Variants in MDH2 observed in about 807,000 individuals in gnomAD.
MDH2 encodes malate dehydrogenase, mitochondrial.
In MDH2, 25 loss-of-function variants were observed where a neutral mutation model predicts 33.6. The ratio of observed to expected loss-of-function variants is 0.74; its 90% CI spans 0.54 to 1.04. MDH2 has a LOEUF of 1.04. Among genes scored for constraint, MDH2 ranks in the 50% least tolerant of loss-of-function variants. The probability of loss-of-function intolerance (pLI) is 0.00; values close to 1 mark genes in which losing one functional copy is unlikely to be tolerated. For missense variants in MDH2, 432 were observed against 445.0 expected (o/e 0.97, Z 0.26); for synonymous variants, 193 against 188.7 (o/e 1.02, Z -0.19).
intron 1 of MDH2, chr7:76,048,739 TC>T (rs1797432596): frequency 9.7e-6 from 12 of 1,232,024 alleles, no homozygotes; most frequent in Non-Finnish European, 1.1e-5. Flanking sequence ...ATTCAGCGCT[TC>T]TGACCTGAAG....
At chr7:76,066,205 G>T in intron 8 of MDH2, 74 bp from the exon 9 acceptor site, 1 of 1,556,292 alleles carries the variant, frequency 6.4e-7, no homozygotes, top group Non-Finnish European at 8.7e-7. Flanking sequence ...AGGGCTGATG[G>T]AGCGACAGGT....
chr7:76,053,599 G>T (rs1288859888), intron 1 of MDH2, among the ~76,000 whole-genome samples: 1 of 152,132 alleles, frequency 6.6e-6, no homozygotes, highest in African/African-American at 2.4e-5. Context: ...TTGGGTTTTG[G>T]TTTCTGATAA....
chr7:76,050,733 G>T (rs374926670), intron 1 of MDH2, among the ~76,000 whole-genome samples: 3 of 152,134 alleles, frequency 2.0e-5, no homozygotes, highest in East Asian at 3.8e-4. Context: ...TTGAATTCTG[G>T]GTATTCATTG....
chr7:76,051,195 T>C (rs188865005), intron 1 of MDH2, among the ~76,000 whole-genome samples: 1 of 152,072 alleles, frequency 6.6e-6, no homozygotes, highest in East Asian at 1.9e-4. Flanking sequence ...AGGATCTCAG[T>C]TTTTCATATG....
chr7:76,048,301 G>C (rs1797393299), intron 1 of MDH2, 75 bp downstream of exon 1: 12 of 1,493,034 alleles, frequency 8.0e-6, no homozygotes, highest in African/African-American at 1.4e-5. Context: ...TTCGCGGGCA[G>C]CTCTGACCCT....
chr7:76,049,487 T>A (rs1554585004), intron 1 of MDH2, among the ~76,000 whole-genome samples: 1 of 151,678 alleles, frequency 6.6e-6, no homozygotes, highest in African/African-American at 2.4e-5. Context: ...GCGATGAAGG[T>A]CTTAGGGAAT....
At chr7:76,064,235 G>A (rs927625634) in intron 6 of MDH2, 104 bp from the exon 7 acceptor site, 16 of 735,642 alleles carry the variant, frequency 2.2e-5, no homozygotes, top group Non-Finnish European at 3.5e-5. Flanking sequence ...CCATGCCCTG[G>A]TGATGGGAGG....
At chr7:76,064,591 C>G (rs1185648880) in intron 7 of MDH2, among the ~76,000 whole-genome samples, 153 bp downstream of exon 7, 2 of 152,184 alleles carry the variant, frequency 1.3e-5, no homozygotes, top group African/African-American at 2.4e-5. Context: ...GAGAGGGCAG[C>G]TCGGCCTGCT....
At chr7:76,063,427 T>C (rs1798006267) in intron 5 of MDH2, 88 bp from the exon 6 acceptor site, 3 of 1,324,858 alleles carry the variant, frequency 2.3e-6, no homozygotes, top group Non-Finnish European at 3.2e-6. Flanking sequence ...CTGGGGGGCT[T>C]TTCCAGTGTT....
Position 76,064,864 on chromosome 7 carries a change from A to G in MDH2, c.796A>G (p.Met266Val), listed in dbSNP as rs782760951. The G allele has an allele frequency of 6.2e-6, 10 of 1,614,054 alleles. No individual in the cohort carries two copies. The South Asian group carries it at 6.6e-5, about 11-fold the overall frequency. ...ARFVFSLVDAMNGKEGVVECS... is the reference protein window; with the variant it reads ...ARFVFSLVDAVNGKEGVVECS... Reference sequence around the variant, plus strand: ...CTTTGTCTTCTCCCTTGTGGATGCAATGAATGGAAAGGAAGGTGTTGTGGA... The same window carrying G: ...CTTTGTCTTCTCCCTTGTGGATGCAGTGAATGGAAAGGAAGGTGTTGTGGA... The change falls in exon 8 of 9, where the codon ATG (methionine) becomes GTG (valine). Residue 266 changes from methionine to valine, a missense_variant. Physicochemically the swap from Met to Val is conservative, Grantham distance 21. Transcript: ENST00000315758.
intron 5 of MDH2, among the ~76,000 whole-genome samples, 166 bp downstream of exon 5, chr7:76,060,664 TC>T (rs1554586886): frequency 6.6e-6 from 1 of 152,062 alleles, no homozygotes; most frequent in African/African-American, 2.4e-5. Flanking sequence ...CCCCTGTGTT[TC>T]CTGTGGGTTC....
At chr7:76,061,499 G>A (rs1414075612) in intron 5 of MDH2, among the ~76,000 whole-genome samples, 1 of 152,204 alleles carries the variant, frequency 6.6e-6, no homozygotes, top group Non-Finnish European at 1.5e-5. Flanking sequence ...TTTAAGCCTG[G>A]CACAGTGGCT....
rs1554585989 is a variant in MDH2, at chr7:76,054,925, C to A, written c.162C>A (p.Thr54=). 6.2e-7 allele frequency: 1 copy of A among 1,614,000 alleles called. No homozygotes were observed. The highest frequency in any genetic ancestry group is 2.2e-5 in the East Asian group (1 of 44,882). Residue 54 remains threonine, a synonymous_variant, in exon 2 of 9, where the codon ACC becomes ACA. Transcript: ENST00000315758. ...ACAGCCCCTTGGTGAGCCGCCTGAC[C>A]CTCTATGATATCGCGCACACACCCG... ...LKNSPLVSRL[T]LYDIAHTPGV...
intron 8 of MDH2, among the ~76,000 whole-genome samples, 158 bp from the exon 9 acceptor site, chr7:76,066,121 G>A (rs1230911549): frequency 6.6e-6 from 1 of 152,026 alleles, no homozygotes; most frequent in Non-Finnish European, 1.5e-5. Flanking sequence ...CCGCAGCTCA[G>A]TCCCACCCAC....
In MDH2 at chr7:76,060,424, T is replaced by C. The variant is rs777178101; in HGVS notation, c.481T>C (p.Tyr161His). 8 of 1,614,008 alleles carry C rather than the reference T, an allele frequency of 5.0e-6. No individual in the cohort carries two copies. The South Asian group carries it at 7.7e-5, about 16-fold the overall frequency. Residue 161 changes from tyrosine (Y) to histidine (H), a missense_variant, in exon 5 of 9, where the codon TAC becomes CAC. Transcript: ENST00000315758. Reference sequence around the variant, plus strand: ...AGAAGTTTTCAAGAAGCATGGAGTGTACAACCCCAACAAAATCTTCGGCGT... The same window carrying C: ...AGAAGTTTTCAAGAAGCATGGAGTGCACAACCCCAACAAAATCTTCGGCGT... Reference protein sequence around the residue: ...TAEVFKKHGVYNPNKIFGVTT... With the variant: ...TAEVFKKHGVHNPNKIFGVTT...
At chr7:76,065,871 G>C (rs1431871409) in intron 8 of MDH2, among the ~76,000 whole-genome samples, 4 of 152,154 alleles carry the variant, frequency 2.6e-5, no homozygotes, top group Non-Finnish European at 5.9e-5. Flanking sequence ...TGCGGGGAGA[G>C]ACAAGAACCC....
chr7:76,061,378 G>A (rs1179576429), intron 5 of MDH2, among the ~76,000 whole-genome samples: 1 of 152,170 alleles, frequency 6.6e-6, no homozygotes, highest in African/African-American at 2.4e-5. Flanking sequence ...GTACCCGAGG[G>A]CCTGGTAGTG....
chr7:76,048,988 G>GGGC, intron 1 of MDH2: 3 of 44,966 alleles, frequency 6.7e-5, no homozygotes, highest in Non-Finnish European at 5.6e-5. Flanking sequence ...CTGCGGGGGG[G>GGGC]GGGGGGGGGG....
intron 2 of MDH2, among the ~76,000 whole-genome samples, chr7:76,056,711 G>A (rs969841993): frequency 3.9e-5 from 6 of 152,182 alleles, no homozygotes; most frequent in Admixed American, 3.9e-4. Context: ...GGCCTTCAGT[G>A]CCTTCTGATC....
Sources: gnomAD v4.1 joint callset for allele counts (sites outside exome capture counted in the v4.1 genomes callset) on GRCh38, gnomAD v4.1.1 for gene constraint, MANE v1.5 for transcripts, NCBI Gene and HGNC (gene_info 2026-07-23, HGNC 2026-07-21) for gene names.